TMED5: variants seen among roughly 807,000 people sequenced by gnomAD.
TMED5 encodes the protein transmembrane p24 trafficking protein 5, also known as transmembrane emp24 domain-containing protein 5.
Under a neutral mutation model 23.0 loss-of-function variants are expected in TMED5, and 27 were observed. That is an observed-to-expected ratio of 1.17 (90% CI 0.86 to 1.62). The LOEUF is 1.62. TMED5 is among the 40% of genes most tolerant of loss of function. The probability of loss-of-function intolerance (pLI) is 0.00; values close to 1 mark genes in which losing one functional copy is unlikely to be tolerated. For synonymous variants in TMED5, 97 were observed against 100.8 expected (o/e 0.96, Z 0.23); for missense variants, 248 against 273.7 (o/e 0.91, Z 0.66).
In TMED5 at chr1:93,180,139, T is replaced by G; in HGVS notation, c.104A>C (p.Asp35Ala). The G allele has an allele frequency of 6.2e-7, 1 of 1,613,520 alleles. No homozygotes were observed. The change falls in exon 1 of 4, where the codon GAC (aspartate) becomes GCC (alanine). Residue 35 changes from aspartate (D) to alanine (A), a missense_variant. Physicochemically the swap from Asp to Ala is moderately radical, Grantham distance 126. Transcript: ENST00000370282. ...AAGFTPSLDSDFTFTLPAGQK... is the reference protein window; with the variant it reads ...AAGFTPSLDSAFTFTLPAGQK... ...GCCGGCGGGAAGGGTAAAGGTGAAG[T>G]CGCTATCGAGGGAAGGTGTGAAGCC...
Position 93,154,745 on chromosome 1 carries a change from G to A in TMED5, c.615C>T (p.Val205=), listed in dbSNP as rs7532639. ...VNFWSMVNLV[V]MVVVSAIQVY... is the part of the protein sequence containing the mutation. Reference sequence around the variant, plus strand: ...CTTGAATGGCTGACACCACCACCATGACCACTAAATTAACCATAGACCAGA... The same window carrying A: ...CTTGAATGGCTGACACCACCACCATAACCACTAAATTAACCATAGACCAGA... Residue 205 remains valine (V), a synonymous_variant, in exon 4 of 4, where the codon GTC becomes GTT. Transcript: ENST00000370282. 4 of 1,613,974 alleles carry A rather than the reference G, an allele frequency of 2.5e-6. No individual in the cohort carries two copies. Among genetic ancestry groups the A allele is most frequent in the South Asian group, 1.1e-5 (1 of 91,056 alleles).
chr1:93,155,532 G>GTT (rs547977053), intron 3 of TMED5, among the ~76,000 whole-genome samples: 49 of 130,158 alleles, frequency 3.8e-4, no homozygotes, highest in African/African-American at 7.0e-4. Context: ...AATGACTAAG[G>GTT]TTTTTTTTTT....
At position 93,151,837 on chromosome 1, in the gene TMED5, G is replaced by A. The variant is rs1428739162; in HGVS notation, c.*2833C>T. ...TCAGGAGTAGACAGCATTTACAAAT[G>A]ACTGGCAGTTAATTTTCTTTGATAA... On this transcript the variant is annotated 3_prime_UTR_variant, in exon 4 of 4. Transcript: ENST00000370282. 1.3e-5 allele frequency: 2 copies of A among 152,126 alleles called. No individual in the cohort carries two copies. The highest frequency in any genetic ancestry group is 2.9e-5 in the Non-Finnish European group (2 of 68,024). 9.4% of individuals were successfully genotyped at this position (152,126 alleles called of 1,614,324 possible). A position where few individuals can be genotyped will look rare whatever the true frequency, so the allele number is the denominator to read the frequency against.
In TMED5 at chr1:93,180,302, T is replaced by C; in HGVS notation, c.-60A>G. 6.5e-7 allele frequency: 1 copy of C among 1,527,128 alleles called. No homozygotes were observed. The highest frequency in any genetic ancestry group is 8.8e-7 in the Non-Finnish European group (1 of 1,138,254). The allele number at this position is 1,527,128 out of a possible 1,614,324, so 94.6% of individuals were successfully genotyped here. A position where few individuals can be genotyped will look rare whatever the true frequency, so the allele number is the denominator to read the frequency against. On this transcript the variant is annotated 5_prime_UTR_variant, in exon 1 of 4. Coordinates refer to ENST00000370282, the MANE Select transcript of TMED5 (RefSeq NM_016040.5). ...CAGGTACTGTTGTCTCCGCTCCGCGTTTCCTCTCTGGACTCCTCGTGGTTG... is the reference window on the plus strand; with the variant it reads ...CAGGTACTGTTGTCTCCGCTCCGCGCTTCCTCTCTGGACTCCTCGTGGTTG...
chr1:93,179,438 G>A (rs1458790984), intron 1 of TMED5, among the ~76,000 whole-genome samples: 1 of 151,428 alleles, frequency 6.6e-6, no homozygotes, highest in Non-Finnish European at 1.5e-5. Flanking sequence ...GAAAAGAAAG[G>A]TTATAAAGTT....
chr1:93,158,644 C>T (rs1435979815), intron 2 of TMED5, among the ~76,000 whole-genome samples: 1 of 149,744 alleles, frequency 6.7e-6, no homozygotes, highest in African/African-American at 2.5e-5. Context: ...CATCTCAGCT[C>T]ACTGCAACCT....
At chr1:93,163,102 T>G (rs1648344518) in intron 1 of TMED5, 1 of 151,976 alleles carries the variant, frequency 6.6e-6, no homozygotes, top group Middle Eastern at 3.4e-3. Context: ...TTAAAATAAA[T>G]AAATAAAGTT....
In TMED5 at chr1:93,180,368, C is replaced by CGCG. The variant is rs771482689; in HGVS notation, c.-129_-127dup. The CGCG allele has an allele frequency of 2.8e-3, 3,627 of 1,315,884 alleles. 9 individuals are homozygous for CGCG. The highest frequency in any genetic ancestry group is 3.4e-3 in the Non-Finnish European group (3,317 of 970,310). The allele number at this position is 1,315,884 out of a possible 1,614,324, so 81.5% of individuals were successfully genotyped here. A position where few individuals can be genotyped will look rare whatever the true frequency, so the allele number is the denominator to read the frequency against. On this transcript the variant is annotated 5_prime_UTR_variant, in exon 1 of 4. Transcript: ENST00000370282. Reference sequence around the variant, plus strand: ...GTCTGAAGAAACTCCAGGTGGCGGCCGCGGCGGCGGCGAACACTCCCTCCG... The same window carrying CGCG: ...GTCTGAAGAAACTCCAGGTGGCGGCCGCGGCGGCGGCGGCGAACACTCCCTCCG...
rs1230190047 is a variant in TMED5, at chr1:93,150,500, TGTTTA to T, written c.*4165_*4169del. 5 of 152,244 alleles carry T rather than the reference TGTTTA, an allele frequency of 3.3e-5. No homozygotes were observed. Among genetic ancestry groups the T allele is most frequent in the African/African-American group, 4.8e-5 (2 of 41,464 alleles). 9.4% of individuals were successfully genotyped at this position (152,244 alleles called of 1,614,324 possible). A position where few individuals can be genotyped will look rare whatever the true frequency, so the allele number is the denominator to read the frequency against. On this transcript the variant is annotated 3_prime_UTR_variant, in exon 4 of 4. Coordinates refer to ENST00000370282, the MANE Select transcript of TMED5 (RefSeq NM_016040.5). ...AAATGCCAGTTATATGTTAAATGTA[TGTTTA>T]GTTTTATAAGAAACTGCCAAGAATA...
chr1:93,169,882 T>TACACAC (rs59467244), intron 1 of TMED5, among the ~76,000 whole-genome samples: 12,617 of 130,444 alleles, frequency 0.097, 766 homozygotes, highest in African/African-American at 0.16. Flanking sequence ...ACCCTGTCTG[T>TACACAC]ACACACACAC....
Position 93,180,235 on chromosome 1 carries a change from T to G in TMED5, c.8A>C (p.Asp3Ala), listed in dbSNP as rs1649289620. The G allele has an allele frequency of 6.2e-7, 1 of 1,610,848 alleles. No homozygotes were observed. The highest frequency in any genetic ancestry group is 8.5e-7 in the Non-Finnish European group (1 of 1,179,056). MG[D>A]KIWLPFPVLL... The stretch of plus-strand genomic sequence containing the variant: ...CACGGGGAAGGGCAGCCAGATCTTG[T>G]CGCCCATCCCTGCTGGGGCGATCCC... Residue 3 changes from aspartate (D) to alanine (A), a missense_variant, in exon 1 of 4, where the codon GAC (aspartate) becomes GCC (alanine). By Grantham distance (126) the Asp-to-Ala change is moderately radical. Coordinates refer to ENST00000370282, the MANE Select transcript of TMED5 (RefSeq NM_016040.5).
chr1:93,157,847 G>A (rs1454896670), intron 2 of TMED5, among the ~76,000 whole-genome samples: 3 of 152,092 alleles, frequency 2.0e-5, no homozygotes, highest in African/African-American at 7.2e-5. Context: ...TTTGTAGGCC[G>A]GGCACAGTGG....
intron 1 of TMED5, among the ~76,000 whole-genome samples, chr1:93,173,980 T>C (rs1648820390): frequency 6.6e-6 from 1 of 151,824 alleles, no homozygotes; most frequent in African/African-American, 2.4e-5. Flanking sequence ...TTTTTTGAGA[T>C]GGAGTCTCAC....
intron 2 of TMED5, among the ~76,000 whole-genome samples, chr1:93,157,643 A>C (rs1648121417): frequency 6.6e-6 from 1 of 152,186 alleles, no homozygotes; most frequent in African/African-American, 2.4e-5. Flanking sequence ...TTTAGGCTGC[A>C]GTAAGCTATG....
chr1:93,180,197 C>A lies in TMED5; in HGVS notation c.46G>T (p.Ala16Ser). The A allele has an allele frequency of 6.2e-7, 1 of 1,613,250 alleles. No homozygotes were observed. The highest frequency in any genetic ancestry group is 1.1e-5 in the South Asian group (1 of 91,058). ...WLPFPVLLLA[A>S]LPPVLLPGAA... Reference sequence around the variant, plus strand: ...CCAGGCAGCAGCACCGGAGGCAGAGCGGCCAGAAGGAGCACGGGGAAGGGC... The same window carrying A: ...CCAGGCAGCAGCACCGGAGGCAGAGAGGCCAGAAGGAGCACGGGGAAGGGC... The change falls in exon 1 of 4, where the codon GCT becomes TCT. Residue 16 changes from alanine to serine, a missense_variant. Physicochemically the swap from Ala to Ser is moderately conservative, Grantham distance 99. Coordinates refer to ENST00000370282, the MANE Select transcript of TMED5 (RefSeq NM_016040.5).
intron 1 of TMED5, among the ~76,000 whole-genome samples, chr1:93,166,952 T>C (rs1180640464): frequency 6.6e-6 from 1 of 152,302 alleles, no homozygotes; most frequent in East Asian, 1.9e-4. Context: ...CAGTGAGAGG[T>C]AGAGATCTAG....
At chr1:93,177,722 A>G (rs1182075340) in intron 1 of TMED5, among the ~76,000 whole-genome samples, 1 of 152,050 alleles carries the variant, frequency 6.6e-6, no homozygotes, top group African/African-American at 2.4e-5. Flanking sequence ...ATTATTTACT[A>G]TGTGTCAGGG....
chr1:93,162,534 T>A (rs563608320), intron 1 of TMED5: 1 of 152,120 alleles, frequency 6.6e-6, no homozygotes, highest in Non-Finnish European at 1.5e-5. Context: ...GAGGCGGAGG[T>A]TGCAGTGAGC....
intron 1 of TMED5, among the ~76,000 whole-genome samples, chr1:93,171,192 A>G (rs1048560555): frequency 6.6e-6 from 1 of 151,852 alleles, no homozygotes; most frequent in Non-Finnish European, 1.5e-5. Flanking sequence ...AACTCCAGAC[A>G]CGCCACCTTA....
Sources: allele counts gnomAD v4.1 joint callset (sites outside exome capture counted in the v4.1 genomes callset), GRCh38; gene constraint gnomAD v4.1.1; transcripts MANE v1.5; gene names NCBI Gene and HGNC (gene_info 2026-07-23, HGNC 2026-07-21).